VKORC1L1: variants seen among roughly 807,000 people sequenced by gnomAD.
VKORC1L1 encodes the protein vitamin K epoxide reductase complex subunit 1L1.
Under a neutral mutation model 18.9 loss-of-function variants are expected in VKORC1L1, and 2 were observed. The ratio of observed to expected loss-of-function variants is 0.11; its 90% CI spans 0.04 to 0.33. VKORC1L1 has a LOEUF of 0.33. Among genes scored for constraint, VKORC1L1 ranks in the 10% least tolerant of loss-of-function variants. The pLI is 1.00. For synonymous variants in VKORC1L1, 96 were observed against 100.0 expected (o/e 0.96, Z 0.24); for missense variants, 123 against 224.1 (o/e 0.55, Z 2.88).
chr7:65,922,236 C>T (rs1353768650), intron 1 of VKORC1L1, among the ~76,000 whole-genome samples: 2 of 151,410 alleles, frequency 1.3e-5, no homozygotes, highest in East Asian at 3.9e-4. Flanking sequence ...TCGTTATTTC[C>T]CCCTCTATCT....
chr7:65,896,192 C>G (rs1266685515), intron 1 of VKORC1L1, among the ~76,000 whole-genome samples: 1 of 151,822 alleles, frequency 6.6e-6, no homozygotes, highest in African/African-American at 2.4e-5. Flanking sequence ...GTGTGAGCCA[C>G]CGCGCCCAGC....
intron 1 of VKORC1L1, among the ~76,000 whole-genome samples, chr7:65,903,871 T>C (rs1789361412): frequency 6.6e-6 from 1 of 151,426 alleles, no homozygotes; most frequent in Non-Finnish European, 1.5e-5. Context: ...TGGTTTAAAA[T>C]GGAAATTTAG....
rs758448717 is a variant in VKORC1L1, at chr7:65,933,572, G to A, written c.195-15099G>A. On this transcript the variant is annotated intron_variant, in intron 1 of 2. Coordinates refer to ENST00000360768, the MANE Select transcript of VKORC1L1 (RefSeq NM_173517.6). Reference sequence around the variant, plus strand: ...TTTCATCTTTTTACTCTTAACCTATGTTATTATATTTAAAGTGAGTTTTTT... The same window carrying A: ...TTTCATCTTTTTACTCTTAACCTATATTATTATATTTAAAGTGAGTTTTTT... Among the ~76,000 whole-genome samples the A allele has an allele frequency of 3.6e-4, 54 of 151,984 alleles. 1 individual carries two copies. Among genetic ancestry groups the A allele is most frequent in the Admixed American group, 1.3e-4 (2 of 15,262 alleles).
At chr7:65,885,999 C>T (rs35258052) in intron 1 of VKORC1L1, among the ~76,000 whole-genome samples, 80 of 152,260 alleles carry the variant, frequency 5.3e-4, no homozygotes, top group Admixed American at 1.4e-3. Context: ...AGGAGCATAT[C>T]GTATCTGTTT....
At chr7:65,926,381 CCT>C (rs1789765828) in intron 1 of VKORC1L1, among the ~76,000 whole-genome samples, 1 of 152,114 alleles carries the variant, frequency 6.6e-6, no homozygotes, top group Non-Finnish European at 1.5e-5. Flanking sequence ...GTCTTGAACT[CCT>C]GACCTTGTGA....
At chr7:65,867,070 C>T in the VKORC1L1 span, among the ~76,000 whole-genome samples, 1 of 151,972 alleles carries the variant, frequency 6.6e-6, no homozygotes, top group African/African-American at 2.4e-5. Context: ...GCCTGTAGTC[C>T]CAGCTACTCA....
At chr7:65,932,697 T>G (rs1311836890) in intron 1 of VKORC1L1, among the ~76,000 whole-genome samples, 1 of 152,232 alleles carries the variant, frequency 6.6e-6, no homozygotes, top group Non-Finnish European at 1.5e-5. Flanking sequence ...CAATTTCAGT[T>G]ATTTTAAACT....
intron 1 of VKORC1L1, among the ~76,000 whole-genome samples, chr7:65,937,471 T>G (rs745387172): frequency 6.6e-6 from 1 of 152,206 alleles, no homozygotes; most frequent in Non-Finnish European, 1.5e-5. Context: ...CACAGCTCAC[T>G]GCAGCCTTGA....
Position 65,952,745 on chromosome 7 carries a change from A to G in VKORC1L1, c.305-1329A>G, listed in dbSNP as rs867638938. 1.8e-4 allele frequency among the ~76,000 whole-genome samples: 27 copies of G among 147,264 alleles called. 1 individual carries two copies. The highest frequency in any genetic ancestry group is 5.8e-4 in the African/African-American group (23 of 39,740). ...GAAATTAAAAACAATACATGTGAAG[A>G]TAGAGTCCAGAATTCAGGTGCCTTT... On this transcript the variant is annotated intron_variant, in intron 2 of 2. Transcript: ENST00000360768.
In VKORC1L1 at chr7:65,954,219, CCTT is replaced by C; in HGVS notation, c.456_458del (p.Leu153del). ...GCATCGTCACGTACGTGCTGAACTT[CCTT>C]CTTCTCATTATCAACTACAAACGAC... On this transcript the variant is annotated inframe_deletion, in exon 3 of 3. Transcript: ENST00000360768. The C allele has an allele frequency of 6.2e-7, 1 of 1,614,122 alleles. No homozygotes were observed. Among genetic ancestry groups the C allele is most frequent in the South Asian group, 1.1e-5 (1 of 91,084 alleles).
At chr7:65,890,054 C>T (rs1253684344) in intron 1 of VKORC1L1, among the ~76,000 whole-genome samples, 1 of 151,744 alleles carries the variant, frequency 6.6e-6, no homozygotes, top group Non-Finnish European at 1.5e-5. Flanking sequence ...GCTTCCTGGG[C>T]TCAAGCAATT....
At chr7:65,892,673 G>T (rs1191814281) in intron 1 of VKORC1L1, among the ~76,000 whole-genome samples, 3 of 152,126 alleles carry the variant, frequency 2.0e-5, no homozygotes, top group Non-Finnish European at 4.4e-5. Context: ...GTGAGATGGG[G>T]TCAGTTTGTT....
chr7:65,941,579 G>A (rs1376528564), intron 1 of VKORC1L1, among the ~76,000 whole-genome samples: 1 of 151,794 alleles, frequency 6.6e-6, no homozygotes, highest in Non-Finnish European at 1.5e-5. Context: ...AAGACCCCAG[G>A]AGAGTGGTTA....
chr7:65,940,626 CTCCAAGAGAGATGTCT>C (rs1790018120), intron 1 of VKORC1L1, among the ~76,000 whole-genome samples: 1 of 152,112 alleles, frequency 6.6e-6, no homozygotes, highest in Non-Finnish European at 1.5e-5. Context: ...AAGGCAAGGG[CTCCAAGAGAGATGTCT>C]TCAGAGAAAG....
intron 1 of VKORC1L1, among the ~76,000 whole-genome samples, chr7:65,907,055 A>G (rs1374374821): frequency 6.6e-6 from 1 of 152,218 alleles, no homozygotes; most frequent in Non-Finnish European, 1.5e-5. Flanking sequence ...GTAGTGCTTT[A>G]TAATCAGCCC....
chr7:65,931,166 G>A (rs1789850500), intron 1 of VKORC1L1, among the ~76,000 whole-genome samples: 1 of 151,686 alleles, frequency 6.6e-6, no homozygotes, highest in Non-Finnish European at 1.5e-5. Context: ...TTTCATGAAT[G>A]ATATTGGTCT....
At chr7:65,937,943 C>T (rs1232162774) in intron 1 of VKORC1L1, among the ~76,000 whole-genome samples, 1 of 152,124 alleles carries the variant, frequency 6.6e-6, no homozygotes, top group Non-Finnish European at 1.5e-5. Flanking sequence ...TGCAGTGGCT[C>T]GTGTCTGTAA....
chr7:65,949,761 G>A (rs534818203), intron 2 of VKORC1L1, among the ~76,000 whole-genome samples: 2 of 152,252 alleles, frequency 1.3e-5, no homozygotes, highest in African/African-American at 4.8e-5. Context: ...TCCAGCCTGG[G>A]GGTCAGAGCA....
chr7:65,940,597 T>G (rs1435007650), intron 1 of VKORC1L1, among the ~76,000 whole-genome samples: 1 of 152,160 alleles, frequency 6.6e-6, no homozygotes, highest in Non-Finnish European at 1.5e-5. Flanking sequence ...GCCTGACATG[T>G]CATCCAGAGT....
Sources: allele counts gnomAD v4.1 joint callset (sites outside exome capture counted in the v4.1 genomes callset), GRCh38; gene constraint gnomAD v4.1.1; transcripts MANE v1.5; gene names NCBI Gene and HGNC (gene_info 2026-07-23, HGNC 2026-07-21).